GNE: variants seen among roughly 807,000 people sequenced by gnomAD.
GNE encodes the protein glucosamine (UDP-N-acetyl)-2-epimerase/N-acetylmannosamine kinase, also known as bifunctional UDP-N-acetylglucosamine 2-epimerase/N-acetylmannosamine kinase.
GNE carries 41 observed loss-of-function variants against 61.8 expected under a neutral mutation model. The observed-to-expected ratio is 0.66, with a 90% CI of 0.52 to 0.86. GNE has a LOEUF of 0.86. Among genes scored for constraint, GNE ranks in the 40% least tolerant of loss-of-function variants. The pLI is 0.00. For synonymous variants in GNE, 264 were observed against 326.4 expected (o/e 0.81, Z 2.06); for missense variants, 608 against 909.1 (o/e 0.67, Z 4.26).
chr9:36,252,147 G>A (rs1232407814), intron 1 of GNE, among the ~76,000 whole-genome samples: 2 of 151,874 alleles, frequency 1.3e-5, no homozygotes, highest in Admixed American at 6.6e-5. Context: ...CACCATGCTG[G>A]GCTAATTTTT....
intron 3 of GNE, among the ~76,000 whole-genome samples, chr9:36,244,444 T>C (rs1829778254): frequency 6.6e-6 from 1 of 152,178 alleles, no homozygotes; most frequent in African/African-American, 2.4e-5. Context: ...TAGCAAAAGA[T>C]AATTTCTAGG....
At chr9:36,264,206 C>T (rs1830694900) in intron 1 of GNE, among the ~76,000 whole-genome samples, 1 of 152,004 alleles carries the variant, frequency 6.6e-6, no homozygotes, top group South Asian at 2.1e-4. Flanking sequence ...TATCTTGGCT[C>T]ACTGCAACCT....
chr9:36,224,253 G>T (rs567700784), intron 7 of GNE, among the ~76,000 whole-genome samples: 2 of 151,172 alleles, frequency 1.3e-5, no homozygotes, highest in South Asian at 4.2e-4. Context: ...ACCAGCCTGG[G>T]AGGTACAGTG....
At position 36,215,700 on chromosome 9, in the gene GNE, C is replaced by T. The variant is rs750509496; in HGVS notation, c.*1665G>A. The T allele has an allele frequency of 2.0e-5, 3 of 152,438 alleles. No homozygotes were observed. Among genetic ancestry groups the T allele is most frequent in the Admixed American group, 6.5e-5 (1 of 15,302 alleles). The allele number at this position is 152,438 out of a possible 1,614,324, so 9.4% of individuals were successfully genotyped here. ...TTCAGAGCCTGGCACACAGTAGGCA[C>T]TTAATAAGTGGTGGCAGTTAGTATT... On this transcript the variant is annotated 3_prime_UTR_variant, in exon 12 of 12. Coordinates refer to ENST00000642385, the MANE Select transcript of GNE (RefSeq NM_005476.7).
At chr9:36,245,971 T>C (rs993153221) in intron 3 of GNE, 60 bp downstream of exon 3, 5 of 1,308,662 alleles carry the variant, frequency 3.8e-6, no homozygotes, top group South Asian at 3.5e-5. Context: ...AGGATTGAAA[T>C]AGACGGAACA....
upstream of GNE, chr9:36,258,632 C>G (rs1156957229): frequency 9.9e-6 from 5 of 504,934 alleles, no homozygotes; most frequent in Admixed American, 3.2e-4. Context: ...AGCGGACCAT[C>G]TTCCATGGCC....
chr9:36,225,147 T>C (rs765053352), intron 7 of GNE, among the ~76,000 whole-genome samples: 16 of 152,228 alleles, frequency 1.1e-4, no homozygotes, highest in Non-Finnish European at 2.2e-4. Flanking sequence ...GGGCATTTTT[T>C]TCAAGACTTT....
chr9:36,258,017 TC>T (rs1278797060), intron 1 of GNE, among the ~76,000 whole-genome samples: 1 of 151,356 alleles, frequency 6.6e-6, no homozygotes, highest in African/African-American at 2.4e-5. Context: ...ACAGTCAGCA[TC>T]CCCCCTGATT....
intron 2 of GNE, among the ~76,000 whole-genome samples, chr9:36,247,792 G>A (rs4879963): frequency 1.3e-5 from 2 of 151,760 alleles, no homozygotes; most frequent in African/African-American, 4.8e-5. Flanking sequence ...TTTGGGAGGC[G>A]GAGGCAGGTG....
At chr9:36,268,756 G>A (rs893856024) in intron 1 of GNE, among the ~76,000 whole-genome samples, 1 of 152,142 alleles carries the variant, frequency 6.6e-6, no homozygotes, top group Non-Finnish European at 1.5e-5. Flanking sequence ...TCAGTAACAC[G>A]CTTCTGGGGA....
intron 1 of GNE, among the ~76,000 whole-genome samples, chr9:36,276,175 AACAC>A (rs4008358): frequency 0.22 from 33,527 of 151,244 alleles, 4,671 homozygotes; most frequent in Non-Finnish European, 0.31. Context: ...CCTGTCTTTA[AACAC>A]ACACACACAC....
intron 9 of GNE, 53 bp downstream of exon 9, chr9:36,222,724 A>G (rs1034019279): frequency 6.0e-6 from 7 of 1,163,562 alleles, no homozygotes; most frequent in Non-Finnish European, 1.3e-6. Context: ...TGTTGAAGAC[A>G]TGCTCCAATA....
chr9:36,263,303 TG>T, upstream of GNE: 2 of 217,692 alleles, frequency 9.2e-6, no homozygotes, highest in South Asian at 5.1e-5. Flanking sequence ...CCCGAGGAGC[TG>T]GGATTACAGA....
chr9:36,217,384 G>C lies in GNE; in HGVS notation c.2150C>G (p.Thr717Arg), dbSNP rs764012292. The C allele has an allele frequency of 5.0e-6, 8 of 1,612,716 alleles. No homozygotes were observed. The Admixed American group carries it at 1.3e-4, about 27-fold the overall frequency. The change falls in exon 12 of 12, where the codon ACA (threonine) becomes AGA (arginine). Residue 717 changes from threonine to arginine, a missense_variant. By Grantham distance (71) the Thr-to-Arg change is moderately conservative. Coordinates refer to ENST00000642385, the MANE Select transcript of GNE (RefSeq NM_005476.7). ...GGAGGTCTAGTAGATCCTGCGTGTT[G>C]TGTAGTCCAGAACCATGCTGGCAGC... ...LGAASMVLDY[T>R]TRRIY is the part of the protein sequence containing the mutation.
chr9:36,266,737 G>A (rs932892675), intron 1 of GNE, among the ~76,000 whole-genome samples: 1 of 152,154 alleles, frequency 6.6e-6, no homozygotes, highest in African/African-American at 2.4e-5. Context: ...GTGAAACCCC[G>A]TCTCTACTAA....
At chr9:36,249,742 GGC>G (rs1830043080) in intron 1 of GNE, among the ~76,000 whole-genome samples, 1 of 152,034 alleles carries the variant, frequency 6.6e-6, no homozygotes, top group Non-Finnish European at 1.5e-5. Context: ...AAATTAGCTG[GGC>G]GTGGTGGCGG....
chr9:36,247,181 C>T (rs576378507), intron 2 of GNE, among the ~76,000 whole-genome samples: 4 of 152,110 alleles, frequency 2.6e-5, no homozygotes, highest in South Asian at 4.2e-4. Context: ...CTCAGCCTCC[C>T]GAGTAGCTGG....
intron 1 of GNE, among the ~76,000 whole-genome samples, chr9:36,263,992 C>T (rs1335516696): frequency 6.6e-6 from 1 of 152,202 alleles, no homozygotes; most frequent in Non-Finnish European, 1.5e-5. Context: ...ACCTTAAAAA[C>T]ATAGTCACAG....
rs781743784 is a variant in GNE, at chr9:36,215,085, G to A, written c.*2280C>T. The A allele has an allele frequency of 2.0e-5, 3 of 152,162 alleles. No homozygotes were observed. The highest frequency in any genetic ancestry group is 2.9e-5 in the Non-Finnish European group (2 of 68,048). The allele number at this position is 152,162 out of a possible 1,614,324, so 9.4% of individuals were successfully genotyped here. A position where few individuals can be genotyped will look rare whatever the true frequency, so the allele number is the denominator to read the frequency against. On this transcript the variant is annotated 3_prime_UTR_variant, in exon 12 of 12. Coordinates refer to ENST00000642385, the MANE Select transcript of GNE (RefSeq NM_005476.7). ...TACACCTGTAATCCCAGCACTTTGG[G>A]AGGCAGAGGCGGGCGGATCACCTGA... is the stretch of plus-strand genomic sequence containing the variant.
Sources: gnomAD v4.1 joint callset for allele counts (sites outside exome capture counted in the v4.1 genomes callset) on GRCh38, gnomAD v4.1.1 for gene constraint, MANE v1.5 for transcripts, NCBI Gene and HGNC (gene_info 2026-07-23, HGNC 2026-07-21) for gene names.